TRAK1: variants seen among roughly 807,000 people sequenced by gnomAD.
TRAK1 encodes the protein trafficking kinesin protein 1, also known as trafficking kinesin-binding protein 1.
Under a neutral mutation model 92.1 loss-of-function variants are expected in TRAK1, and 33 were observed. That is an observed-to-expected ratio of 0.36 (90% confidence interval 0.27 to 0.48). The LOEUF (loss-of-function observed/expected upper bound fraction) is 0.48, where lower values mean the gene tolerates loss of function less well. Among genes scored for constraint, TRAK1 ranks in the 20% least tolerant of loss-of-function variants. TRAK1 has a pLI of 0.99. For synonymous variants in TRAK1, 521 were observed against 517.3 expected (o/e 1.01, Z -0.10); for missense variants, 1,123 against 1,257.9 (o/e 0.89, Z 1.62).
intron 1 of TRAK1, among the ~76,000 whole-genome samples, chr3:42,068,155 G>A (rs1703762098): frequency 6.6e-6 from 1 of 151,006 alleles, no homozygotes; most frequent in South Asian, 2.1e-4. Flanking sequence ...GCGAGACTCT[G>A]TCTAAAAAAA....
At chr3:42,103,827 C>T (rs911478083) in intron 1 of TRAK1, among the ~76,000 whole-genome samples, 9 of 152,148 alleles carry the variant, frequency 5.9e-5, no homozygotes, top group Non-Finnish European at 8.8e-5. Flanking sequence ...CATCTCACTG[C>T]GGCTTGTCAG....
chr3:42,173,363 C>T (rs1702798938), intron 2 of TRAK1, among the ~76,000 whole-genome samples: 1 of 152,184 alleles, frequency 6.6e-6, no homozygotes, highest in African/African-American at 2.4e-5. Flanking sequence ...ATTTGAAAAG[C>T]ATAACCTGTG....
chr3:42,131,300 C>T (rs1489263318), intron 2 of TRAK1, among the ~76,000 whole-genome samples: 1 of 152,168 alleles, frequency 6.6e-6, no homozygotes, highest in African/African-American at 2.4e-5. Flanking sequence ...CCTCACTTGC[C>T]CCCAGAGTTC....
chr3:42,024,754 T>C (rs562338070), intron 1 of TRAK1, among the ~76,000 whole-genome samples: 6 of 152,326 alleles, frequency 3.9e-5, no homozygotes, highest in African/African-American at 1.4e-4. Context: ...ACCCATGCTA[T>C]TGTGTTACCA....
chr3:42,216,004 G>C (rs1486906875), intron 14 of TRAK1, among the ~76,000 whole-genome samples: 1 of 152,194 alleles, frequency 6.6e-6, no homozygotes, highest in East Asian at 1.9e-4. Context: ...GCACTTCCCA[G>C]GGATGCGGGA....
intron 2 of TRAK1, among the ~76,000 whole-genome samples, chr3:42,154,181 CT>C (rs921686764): frequency 2.6e-5 from 4 of 151,230 alleles, no homozygotes; most frequent in Admixed American, 6.6e-5. Flanking sequence ...TTATTTATTT[CT>C]TTTTTTTTGA....
chr3:42,200,963 C>A lies in TRAK1; in HGVS notation c.1336C>A (p.Arg446=), dbSNP rs761022817. ...CCTGTCCAGCTGCGTCAGCACCCCCCGGTCCAGCTTCTACGGCAGCGACAT... is the reference window on the plus strand; with the variant it reads ...CCTGTCCAGCTGCGTCAGCACCCCCAGGTCCAGCTTCTACGGCAGCGACAT... ...SLLSSCVSTP[R]SSFYGSDIGN... Residue 446 remains arginine, a synonymous_variant, in exon 12 of 16, where the codon CGG becomes AGG. Transcript: ENST00000327628. 10 of 1,614,082 alleles carry A rather than the reference C, an allele frequency of 6.2e-6. No individual in the cohort carries two copies. Among genetic ancestry groups the A allele is most frequent in the Admixed American group, 5.0e-5 (3 of 60,014 alleles).
At chr3:42,151,403 T>C (rs1699935011) in intron 2 of TRAK1, 6 of 456,346 alleles carry the variant, frequency 1.3e-5, no homozygotes, top group South Asian at 9.3e-5. Context: ...CAAAGGAAAA[T>C]AGAAGAGGAG....
chr3:42,089,621 C>G (rs145397174), upstream of TRAK1, among the ~76,000 whole-genome samples: 37 of 151,908 alleles, frequency 2.4e-4, no homozygotes, highest in African/African-American at 8.9e-4. Context: ...CTCCAGATAT[C>G]CTTATGACCC....
At chr3:42,216,140 A>G (rs1420322760) in intron 14 of TRAK1, among the ~76,000 whole-genome samples, 1 of 152,138 alleles carries the variant, frequency 6.6e-6, no homozygotes, top group Non-Finnish European at 1.5e-5. Context: ...GCCCCACCGG[A>G]GTGTCCCAGC....
upstream of TRAK1, among the ~76,000 whole-genome samples, chr3:42,082,487 A>G (rs574262622): frequency 8.5e-5 from 13 of 152,236 alleles, no homozygotes; most frequent in South Asian, 1.4e-3. Flanking sequence ...AGTCTCAGCT[A>G]CTTGGGAGAC....
At chr3:42,119,202 G>T (rs62257306) in intron 1 of TRAK1, among the ~76,000 whole-genome samples, 5 of 152,210 alleles carry the variant, frequency 3.3e-5, no homozygotes, top group Non-Finnish European at 5.9e-5. Context: ...TAACATCGTA[G>T]TGAAGTCATT....
chr3:42,203,461 C>T (rs1707933587), intron 13 of TRAK1: 1 of 981,890 alleles, frequency 1.0e-6, no homozygotes. Context: ...GAAAAACTTC[C>T]TCCTTCCCTC....
At chr3:42,200,229 T>G (rs1428349788) in intron 11 of TRAK1, among the ~76,000 whole-genome samples, 1 of 152,220 alleles carries the variant, frequency 6.6e-6, no homozygotes, top group Non-Finnish European at 1.5e-5. Context: ...TGTAAAAACA[T>G]GCCTACCCTT....
intron 14 of TRAK1, chr3:42,218,619 A>G: frequency 1.0e-6 from 1 of 985,290 alleles, no homozygotes; most frequent in Non-Finnish European, 1.2e-6. Context: ...TTCCTTTGCC[A>G]GCTTTCTCAT....
intron 3 of TRAK1, 81 bp from the exon 4 acceptor site, chr3:42,184,604 C>G: frequency 7.6e-7 from 1 of 1,321,806 alleles, no homozygotes; most frequent in East Asian, 2.3e-5. Flanking sequence ...TTATGTTTTC[C>G]TCATTTGACA....
At chr3:42,115,627 A>G (rs1323928850) in intron 1 of TRAK1, among the ~76,000 whole-genome samples, 1 of 152,130 alleles carries the variant, frequency 6.6e-6, no homozygotes, top group African/African-American at 2.4e-5. Context: ...AAGGCCATGG[A>G]ATTCTAGAGA....
At chr3:42,198,517 T>C (rs1265262289) in intron 10 of TRAK1, among the ~76,000 whole-genome samples, 1 of 152,174 alleles carries the variant, frequency 6.6e-6, no homozygotes, top group Non-Finnish European at 1.5e-5. Flanking sequence ...GGAACTTCCC[T>C]TGCAGGAGGC....
intron 15 of TRAK1, among the ~76,000 whole-genome samples, chr3:42,221,664 C>G (rs1710366601): frequency 1.3e-5 from 2 of 152,190 alleles, no homozygotes; most frequent in South Asian, 2.1e-4. Flanking sequence ...TGCTCCAAGG[C>G]ACACTGGCAG....
Sources: allele counts gnomAD v4.1 joint callset (sites outside exome capture counted in the v4.1 genomes callset), GRCh38; gene constraint gnomAD v4.1.1; transcripts MANE v1.5; gene names NCBI Gene and HGNC (gene_info 2026-07-23, HGNC 2026-07-21).